The following CACNA1E variants were observed in gnomAD, a reference collection of about 807,000 sequenced individuals.
CACNA1E encodes calcium voltage-gated channel subunit alpha1 E, also known as voltage-dependent R-type calcium channel subunit alpha-1E.
In CACNA1E, 40 loss-of-function variants were observed where a neutral mutation model predicts 259.2. The observed-to-expected ratio is 0.15, with a 90% confidence interval of 0.12 to 0.20. The LOEUF (loss-of-function observed/expected upper bound fraction) is 0.20. CACNA1E is among the 10% of genes least tolerant of loss of function. The pLI, the probability that CACNA1E is intolerant of heterozygous loss-of-function variation, is 1.00. For synonymous variants in CACNA1E, 1,104 were observed against 1,138.5 expected (o/e 0.97, Z 0.61); for missense variants, 1,874 against 3,040.1 (o/e 0.62, Z 9.02).
At chr1:181,569,618 T>A (rs1650203706) in intron 3 of CACNA1E, among the ~76,000 whole-genome samples, 1 of 152,248 alleles carries the variant, frequency 6.6e-6, no homozygotes, top group East Asian at 1.9e-4. Context: ...TCATAATTAC[T>A]TACACATGTG....
chr1:181,770,275 G>C (rs1054848422), intron 35 of CACNA1E, among the ~76,000 whole-genome samples: 9 of 152,206 alleles, frequency 5.9e-5, no homozygotes, highest in African/African-American at 2.2e-4. Flanking sequence ...ATTGACTTGT[G>C]AGAATAGGTC....
intron 7 of CACNA1E, among the ~76,000 whole-genome samples, chr1:181,676,994 G>T (rs775452659): frequency 6.6e-6 from 1 of 152,050 alleles, no homozygotes; most frequent in Non-Finnish European, 1.5e-5. Context: ...GTAATAGATG[G>T]ATTTAGAAGA....
intron 3 of CACNA1E, among the ~76,000 whole-genome samples, chr1:181,565,770 A>G (rs775206684): frequency 6.6e-6 from 1 of 152,340 alleles, no homozygotes; most frequent in South Asian, 2.1e-4. Context: ...TCTTGTAACA[A>G]GGCCACTTTT....
intron 4 of CACNA1E, among the ~76,000 whole-genome samples, chr1:181,578,558 C>G (rs1199876082): frequency 3.3e-5 from 5 of 152,196 alleles, no homozygotes; most frequent in Non-Finnish European, 7.3e-5. Flanking sequence ...CAGACCGACA[C>G]TCTGTCTCAA....
chr1:181,788,868 C>T (rs907818185), intron 43 of CACNA1E, among the ~76,000 whole-genome samples: 21 of 152,278 alleles, frequency 1.4e-4, no homozygotes, highest in African/African-American at 4.8e-4. Flanking sequence ...CAAAAAGGAA[C>T]CCATTTCTTT....
rs552362735 is a variant in CACNA1E, at chr1:181,503,553, G to T, written c.267-6924G>T. ...TCCTTTATTGGAGTTGGTCTCCTCT[G>T]TGTCAGTCCATGGCTACAGCCAGCC... On this transcript the variant is annotated intron_variant, in intron 1 of 47. Coordinates refer to ENST00000367573, the MANE Select transcript of CACNA1E (RefSeq NM_001205293.3). 2.6e-5 allele frequency among the ~76,000 whole-genome samples: 4 copies of T among 152,328 alleles called. No homozygotes were observed. The South Asian group carries it at 8.3e-4, about 32-fold the overall frequency.
At chr1:181,797,453 G>A (rs890405754) in intron 47 of CACNA1E, among the ~76,000 whole-genome samples, 1 of 152,170 alleles carries the variant, frequency 6.6e-6, no homozygotes, top group Non-Finnish European at 1.5e-5. Flanking sequence ...CAACAGAAAC[G>A]ATCAGCGGAG....
intron 1 of CACNA1E, among the ~76,000 whole-genome samples, chr1:181,496,688 T>C (rs1416934847): frequency 1.3e-5 from 2 of 152,132 alleles, no homozygotes; most frequent in Admixed American, 6.5e-5. Context: ...ATTAGGGGCA[T>C]TTTACCTGTG....
chr1:181,615,000 T>C (rs1655081072), intron 6 of CACNA1E, among the ~76,000 whole-genome samples: 1 of 152,196 alleles, frequency 6.6e-6, no homozygotes. Flanking sequence ...TCCTGTCAAT[T>C]TTTACTAAAA....
chr1:181,488,890 G>A (rs1176172150), intron 1 of CACNA1E, among the ~76,000 whole-genome samples: 2 of 152,128 alleles, frequency 1.3e-5, no homozygotes, highest in Non-Finnish European at 2.9e-5. Flanking sequence ...TGTACAAAAT[G>A]TAGGTGTTTT....
intron 3 of CACNA1E, among the ~76,000 whole-genome samples, chr1:181,518,495 T>C (rs1308473484): frequency 6.6e-6 from 1 of 152,202 alleles, no homozygotes; most frequent in Non-Finnish European, 1.5e-5. Context: ...AAGGTTAGAA[T>C]ATAGGATTTC....
Position 181,772,090 on chromosome 1 carries a change from G to A in CACNA1E, c.4998G>A (p.Gln1666=), listed in dbSNP as rs746578067. 5.6e-6 allele frequency: 9 copies of A among 1,613,870 alleles called. No individual in the cohort carries two copies. The highest frequency in any genetic ancestry group is 7.6e-6 in the Non-Finnish European group (9 of 1,179,884). ...GGAGTGCCACAGGTGAGGCCTGGCAGGAGATTATGCTGTCATGCCTTGGGG... is the reference window on the plus strand; with the variant it reads ...GGAGTGCCACAGGTGAGGCCTGGCAAGAGATTATGCTGTCATGCCTTGGGG... ...LFRSATGEAW[Q]EIMLSCLGEK... is the part of the protein sequence containing the mutation. Residue 1666 remains glutamine, a synonymous_variant, in exon 37 of 48, where the codon CAG becomes CAA. Coordinates refer to ENST00000367573, the MANE Select transcript of CACNA1E (RefSeq NM_001205293.3).
intron 3 of CACNA1E, among the ~76,000 whole-genome samples, chr1:181,558,203 C>A (rs1048347557): frequency 3.9e-5 from 6 of 152,280 alleles, no homozygotes; most frequent in Non-Finnish European, 8.8e-5. Flanking sequence ...GGCTGTGCTG[C>A]CCTCACTGCA....
Position 181,726,046 on chromosome 1 carries a change from A to G in CACNA1E, c.2143-19A>G, listed in dbSNP as rs752989510. The G allele has an allele frequency of 5.1e-6, 8 of 1,581,136 alleles. No homozygotes were observed. Among genetic ancestry groups the G allele is most frequent in the South Asian group, 1.1e-5 (1 of 88,894 alleles). ...CTTCCTGGGGATCCCAGGCAAAGCC[A>G]TCTCTGCTTTGTGTCTAGGATGAAC... On this transcript the variant is annotated intron_variant, in intron 17 of 47. Coordinates refer to ENST00000367573, the MANE Select transcript of CACNA1E (RefSeq NM_001205293.3).
intron 1 of CACNA1E, among the ~76,000 whole-genome samples, chr1:181,350,383 T>A (rs1225342011): frequency 6.6e-6 from 1 of 152,172 alleles, no homozygotes; most frequent in Non-Finnish European, 1.5e-5. Context: ...GGAGATCAAG[T>A]GGAGCCCTGC....
rs971312701 is a variant in CACNA1E, at chr1:181,716,979, T to A, written c.1316-114T>A. The A allele has an allele frequency of 1.5e-5, 12 of 784,134 alleles. 1 individual carries two copies. In the Middle Eastern group the frequency reaches 9.6e-4, roughly 63 times the overall value. 48.6% of individuals were successfully genotyped at this position (784,134 alleles called of 1,614,324 possible). ...AGATGGGGATTCCCCACACCTGCAA[T>A]GTGGCAGTCACCTTGCCCTGGGACT... On this transcript the variant is annotated intron_variant, in intron 10 of 47. Transcript: ENST00000367573.
intron 42 of CACNA1E, 84 bp from the exon 43 acceptor site, chr1:181,785,629 A>C: frequency 1.0e-6 from 1 of 970,274 alleles, no homozygotes; most frequent in South Asian, 1.3e-5. Context: ...ATGTGCCTGT[A>C]TTATCCATGT....
At chr1:181,453,816 G>A (rs959314584) in intron 2 of CACNA1E, among the ~76,000 whole-genome samples, 5 of 152,186 alleles carry the variant, frequency 3.3e-5, no homozygotes, top group Admixed American at 6.5e-5. Context: ...ACAAACTCAC[G>A]TATTTCAGTT....
intron 6 of CACNA1E, among the ~76,000 whole-genome samples, chr1:181,632,850 A>G (rs1019353239): frequency 6.6e-6 from 1 of 152,238 alleles, no homozygotes; most frequent in Admixed American, 6.5e-5. Flanking sequence ...ACATAAAGAC[A>G]TTCAAGACAC....
Sources: gnomAD v4.1 joint callset for allele counts (sites outside exome capture counted in the v4.1 genomes callset) on GRCh38, gnomAD v4.1.1 for gene constraint, MANE v1.5 for transcripts, NCBI Gene and HGNC (gene_info 2026-07-23, HGNC 2026-07-21) for gene names.